The following PRKCA variants were observed in gnomAD, a reference collection of about 807,000 sequenced individuals.
PRKCA encodes the protein protein kinase C alpha type.
Under a neutral mutation model 87.0 loss-of-function variants are expected in PRKCA, and 27 were observed. The observed-to-expected ratio is 0.31, with a 90% confidence interval of 0.23 to 0.43. The LOEUF (loss-of-function observed/expected upper bound fraction) is 0.43. PRKCA is among the 20% of genes least tolerant of loss of function. The probability of loss-of-function intolerance (pLI) is 1.00; values close to 1 mark genes in which losing one functional copy is unlikely to be tolerated. For synonymous variants in PRKCA, 329 were observed against 311.1 expected (o/e 1.06, Z -0.61); for missense variants, 518 against 852.3 (o/e 0.61, Z 4.88).
At chr17:66,666,368 T>C (rs1041200027) in intron 5 of PRKCA, among the ~76,000 whole-genome samples, 1 of 152,286 alleles carries the variant, frequency 6.6e-6, no homozygotes, top group East Asian at 1.9e-4. Context: ...AGTCAAATGC[T>C]TAGATGCCGC....
At chr17:66,739,870 A>T (rs138901644) in intron 11 of PRKCA, among the ~76,000 whole-genome samples, 17 of 152,094 alleles carry the variant, frequency 1.1e-4, no homozygotes, top group African/African-American at 4.1e-4. Flanking sequence ...GGCTTGCACC[A>T]TCAGATTCAG....
At chr17:66,758,127 C>A (rs1420466206) in intron 13 of PRKCA, among the ~76,000 whole-genome samples, 1 of 152,240 alleles carries the variant, frequency 6.6e-6, no homozygotes, top group African/African-American at 2.4e-5. Flanking sequence ...CCACCCATAG[C>A]CCCCTGCACC....
intron 2 of PRKCA, among the ~76,000 whole-genome samples, chr17:66,420,479 T>C (rs1203734268): frequency 6.6e-6 from 1 of 152,228 alleles, no homozygotes; most frequent in Non-Finnish European, 1.5e-5. Context: ...CAAGTACCTG[T>C]ACGACCATTC....
intron 3 of PRKCA, among the ~76,000 whole-genome samples, chr17:66,529,113 G>A (rs1967451391): frequency 6.6e-6 from 1 of 152,116 alleles, no homozygotes; most frequent in Non-Finnish European, 1.5e-5. Flanking sequence ...TATCATCTTT[G>A]ATTACTATTG....
At chr17:66,415,496 C>T (rs1183152511) in intron 2 of PRKCA, 1 of 152,138 alleles carries the variant, frequency 6.6e-6, no homozygotes, top group African/African-American at 2.4e-5. Context: ...CCTGGAAGTC[C>T]TGAGCTATTC....
intron 3 of PRKCA, among the ~76,000 whole-genome samples, chr17:66,607,327 C>T (rs146914092): frequency 3.9e-4 from 59 of 152,226 alleles, no homozygotes; most frequent in African/African-American, 1.4e-3. Context: ...GGGAAAAAAT[C>T]GGACATACAG....
chr17:66,434,674 G>A (rs1239138076), intron 2 of PRKCA, among the ~76,000 whole-genome samples: 1 of 152,082 alleles, frequency 6.6e-6, no homozygotes, highest in Non-Finnish European at 1.5e-5. Flanking sequence ...CCCGAATGTG[G>A]CCTTGGAGTC....
chr17:66,497,272 C>T (rs1262944104), intron 3 of PRKCA, among the ~76,000 whole-genome samples: 3 of 151,974 alleles, frequency 2.0e-5, no homozygotes, highest in African/African-American at 7.2e-5. Context: ...CTGAGGCGGG[C>T]GGATCACCTG....
At chr17:66,602,429 G>A (rs1412767062) in intron 3 of PRKCA, among the ~76,000 whole-genome samples, 2 of 149,626 alleles carry the variant, frequency 1.3e-5, no homozygotes, top group East Asian at 4.0e-4. Flanking sequence ...GCTTCGGCTC[G>A]CGCACGGTGC....
chr17:66,603,609 T>C (rs926061044), intron 3 of PRKCA, among the ~76,000 whole-genome samples: 1 of 152,204 alleles, frequency 6.6e-6, no homozygotes, highest in Non-Finnish European at 1.5e-5. Flanking sequence ...TGGTGAAATA[T>C]CCATAGCATA....
At chr17:66,761,773 T>A (rs962690258) in intron 13 of PRKCA, among the ~76,000 whole-genome samples, 1 of 152,130 alleles carries the variant, frequency 6.6e-6, no homozygotes, top group Non-Finnish European at 1.5e-5. Context: ...ATTTCAAATA[T>A]TGTAGTCATT....
At chr17:66,778,280 G>C (rs1477703222) in intron 14 of PRKCA, 1 of 883,466 alleles carries the variant, frequency 1.1e-6, no homozygotes, top group Non-Finnish European at 1.4e-6. Context: ...TCGGGAGGCC[G>C]AGGCGGGCGG....
At chr17:66,565,348 A>AT (rs1968856515) in intron 3 of PRKCA, among the ~76,000 whole-genome samples, 1 of 152,128 alleles carries the variant, frequency 6.6e-6, no homozygotes, top group Non-Finnish European at 1.5e-5. Flanking sequence ...TTCAATTTGC[A>AT]TTGTACCTTC....
chr17:66,754,512 C>G (rs751728079), intron 13 of PRKCA, among the ~76,000 whole-genome samples: 1 of 152,162 alleles, frequency 6.6e-6, no homozygotes, highest in African/African-American at 2.4e-5. Flanking sequence ...CGACCTAGCA[C>G]GGTGCTGGCT....
At chr17:66,729,771 C>T (rs988025066) in intron 8 of PRKCA, among the ~76,000 whole-genome samples, 3 of 138,298 alleles carry the variant, frequency 2.2e-5, no homozygotes, top group Non-Finnish European at 3.1e-5. Context: ...CCTGTATGAG[C>T]GAGTTATTCT....
chr17:66,694,860 C>T (rs1972877958), intron 8 of PRKCA, among the ~76,000 whole-genome samples: 1 of 149,338 alleles, frequency 6.7e-6, no homozygotes, highest in Non-Finnish European at 1.5e-5. Flanking sequence ...ATTTGCATTT[C>T]ATTTCCATGG....
At position 66,554,623 on chromosome 17, in the gene PRKCA, G is replaced by C. The variant is rs970148794; in HGVS notation, c.288+58340G>C. On this transcript the variant is annotated intron_variant, in intron 3 of 16. Coordinates refer to ENST00000413366, the MANE Select transcript of PRKCA (RefSeq NM_002737.3). ...TAATTTTAAAGGACTTTTTTTTGGT[G>C]GGGGGCACTAGCAAATAAATTAAAT... 2.7e-5 allele frequency: 21 copies of C among 787,926 alleles called. No individual in the cohort carries two copies. In the Admixed American group the frequency reaches 1.3e-3, roughly 49 times the overall value. The allele number at this position is 787,926 out of a possible 1,614,324, so 48.8% of individuals were successfully genotyped here. A position where few individuals can be genotyped will look rare whatever the true frequency, so the allele number is the denominator to read the frequency against.
chr17:66,539,529 G>T (rs1033895170), intron 3 of PRKCA, among the ~76,000 whole-genome samples: 2 of 151,488 alleles, frequency 1.3e-5, no homozygotes, highest in African/African-American at 2.4e-5. Context: ...TCAGCCTCCT[G>T]AGTAGCTGGG....
chr17:66,477,580 G>C (rs1294157773), intron 2 of PRKCA, among the ~76,000 whole-genome samples: 1 of 152,132 alleles, frequency 6.6e-6, no homozygotes, highest in Non-Finnish European at 1.5e-5. Context: ...GGCACCTGTA[G>C]TCCTAGCTAC....
Sources: allele counts gnomAD v4.1 joint callset (sites outside exome capture counted in the v4.1 genomes callset), GRCh38; gene constraint gnomAD v4.1.1; transcripts MANE v1.5; gene names NCBI Gene and HGNC (gene_info 2026-07-23, HGNC 2026-07-21).